Variants in SNAP47 observed in about 807,000 individuals in gnomAD.
SNAP47 encodes the protein synaptosomal-associated protein 47.
Under a neutral mutation model 31.4 loss-of-function variants are expected in SNAP47, and 20 were observed. The observed-to-expected ratio is 0.64, with a 90% CI of 0.45 to 0.93. The LOEUF is 0.93. Ranked by LOEUF, SNAP47 falls within the 40% of genes least tolerant of loss-of-function variation. SNAP47 has a pLI of 0.00. For synonymous variants in SNAP47, 194 were observed against 213.4 expected, an observed-to-expected ratio of 0.91 and a Z score of 0.79; for missense variants, 492 against 528.5, an observed-to-expected ratio of 0.93 and a Z score of 0.68.
At chr1:227,776,756 C>T (rs1247484224) in intron 4 of SNAP47, 2 of 985,338 alleles carry the variant, frequency 2.0e-6, no homozygotes, top group African/African-American at 3.5e-5. Flanking sequence ...TGTCTGCAGA[C>T]CTAGCAGCTG....
upstream of SNAP47, chr1:227,733,971 C>A: frequency 4.3e-6 from 7 of 1,613,960 alleles, no homozygotes; most frequent in Non-Finnish European, 5.1e-6. Flanking sequence ...TCCCAGAACT[C>A]ATTCAGCCAG....
chr1:227,766,918 C>T (rs779023788), intron 3 of SNAP47, 41 bp from the exon 4 acceptor site: 6 of 1,609,764 alleles, frequency 3.7e-6, no homozygotes, highest in Non-Finnish European at 4.2e-6. Flanking sequence ...GTTGTTGCAA[C>T]TCCGAGAGAT....
At chr1:227,732,225 G>A, upstream of SNAP47, 1 of 741,032 alleles carries the variant, frequency 1.3e-6, no homozygotes, top group South Asian at 1.8e-5. Flanking sequence ...GACCTCATTG[G>A]GCCTCACCTG....
chr1:227,756,967 TCA>T (rs2102946278), intron 2 of SNAP47, among the ~76,000 whole-genome samples: 1 of 152,324 alleles, frequency 6.6e-6, no homozygotes, highest in South Asian at 2.1e-4. Flanking sequence ...CACCTCGATC[TCA>T]CTTTTTCCAG....
rs138111309 is a variant in SNAP47, at chr1:227,765,142, C to G, written c.989-1817C>G. ...CAGTCCTTCAGCTCCCAACACCCAG[C>G]AAGTCAAAGGGCACCAGCACATAGC... On this transcript the variant is annotated intron_variant, in intron 3 of 4. Coordinates refer to ENST00000617596, the MANE Select transcript of SNAP47 (RefSeq NM_053052.4). Among the ~76,000 whole-genome samples the G allele has an allele frequency of 2.8e-3, 432 of 152,286 alleles. 4 individuals carry two copies. Among genetic ancestry groups the G allele is most frequent in the African/African-American group, 0.01 (420 of 41,564 alleles).
At chr1:227,777,232 CA>C (rs1664216064) in intron 4 of SNAP47, 1 of 427,144 alleles carries the variant, frequency 2.3e-6, no homozygotes, top group Admixed American at 6.4e-5. Flanking sequence ...ATACATGAAA[CA>C]TAAAGTGATC....
intron 3 of SNAP47, among the ~76,000 whole-genome samples, chr1:227,765,344 G>T (rs1025535546): frequency 6.6e-6 from 1 of 152,186 alleles, no homozygotes; most frequent in African/African-American, 2.4e-5. Flanking sequence ...CTGGTGCTGC[G>T]AGGTGGACGG....
intron 1 of SNAP47, among the ~76,000 whole-genome samples, chr1:227,736,933 G>T (rs1176595123): frequency 2.0e-5 from 3 of 152,152 alleles, no homozygotes; most frequent in Non-Finnish European, 4.4e-5. Context: ...CTTGGAAGGG[G>T]TGTGGGTTAT....
intron 2 of SNAP47, among the ~76,000 whole-genome samples, chr1:227,754,769 G>T (rs764890665): frequency 1.3e-5 from 2 of 152,124 alleles, no homozygotes; most frequent in Non-Finnish European, 2.9e-5. Flanking sequence ...GAAATGAGGG[G>T]GTCACAGGAA....
chr1:227,779,465 G>GC (rs1294578627), intron 4 of SNAP47, among the ~76,000 whole-genome samples: 2 of 152,116 alleles, frequency 1.3e-5, no homozygotes, highest in Admixed American at 6.5e-5. Flanking sequence ...AGCTGTAGGG[G>GC]CCCCCCTCAA....
intron 4 of SNAP47, among the ~76,000 whole-genome samples, chr1:227,772,330 G>A (rs1044016177): frequency 2.0e-5 from 3 of 151,852 alleles, no homozygotes; most frequent in Non-Finnish European, 2.9e-5. Flanking sequence ...ACGAACCCAC[G>A]TTTCTGCCCC....
chr1:227,737,791 A>T (rs1020979170), intron 1 of SNAP47, among the ~76,000 whole-genome samples: 1 of 151,578 alleles, frequency 6.6e-6, no homozygotes, highest in Non-Finnish European at 1.5e-5. Flanking sequence ...GAGGGCAGGG[A>T]CAGGAGGCGG....
chr1:227,733,906 C>T (rs759375690), upstream of SNAP47: 1 of 1,613,518 alleles, frequency 6.2e-7, no homozygotes, highest in Admixed American at 1.7e-5. Flanking sequence ...CGTGGCCTCA[C>T]CAGCTGCCCG....
At chr1:227,761,500 T>C (rs1219031774) in intron 3 of SNAP47, among the ~76,000 whole-genome samples, 1 of 152,184 alleles carries the variant, frequency 6.6e-6, no homozygotes, top group African/African-American at 2.4e-5. Context: ...ATGAAATCCA[T>C]TGATCAAGAT....
rs1215589866 is a variant in SNAP47, at chr1:227,771,044, C to T, written c.1113+3961C>T. 3.3e-5 allele frequency among the ~76,000 whole-genome samples: 5 copies of T among 152,298 alleles called. No individual in the cohort carries two copies. In the East Asian group the frequency reaches 5.8e-4, roughly 18 times the overall value. ...CCAAGGTGACTGGGCTCTGCGGGGG[C>T]ACTGAACGCAGCACCCACCCTCCGA... On this transcript the variant is annotated intron_variant, in intron 4 of 4. Transcript: ENST00000617596.
chr1:227,759,318 G>A lies in SNAP47; in HGVS notation c.821G>A (p.Gly274Glu). Residue 274 changes from glycine to glutamate, a missense_variant, in exon 3 of 5, where the codon GGA (glycine) becomes GAA (glutamate). Coordinates refer to ENST00000617596, the MANE Select transcript of SNAP47 (RefSeq NM_053052.4). ...YEISIRQRFI[G>E]KPDMAYRLIS... ...ATTAGCATCCGCCAGCGGTTTATTG[G>A]AAAGCCAGACATGGCCTATCGTTTG... 2 of 1,614,256 alleles carry A rather than the reference G, an allele frequency of 1.2e-6. No individual in the cohort carries two copies. Among genetic ancestry groups the A allele is most frequent in the Non-Finnish European group, 1.7e-6 (2 of 1,180,052 alleles).
At chr1:227,747,633 G>C in intron 1 of SNAP47, 59 bp from the exon 2 acceptor site, 1 of 1,514,844 alleles carries the variant, frequency 6.6e-7, no homozygotes, top group Non-Finnish European at 8.9e-7. Flanking sequence ...TCCTTGTGGG[G>C]TTGCTTGTGT....
intron 4 of SNAP47, among the ~76,000 whole-genome samples, chr1:227,767,693 G>A (rs1373397400): frequency 3.3e-5 from 5 of 152,124 alleles, no homozygotes; most frequent in African/African-American, 4.8e-5. Context: ...CATGTCTTGT[G>A]TGTGGAGCGT....
intron 4 of SNAP47, among the ~76,000 whole-genome samples, chr1:227,777,561 A>G (rs1164870736): frequency 6.6e-6 from 1 of 152,174 alleles, no homozygotes; most frequent in East Asian, 1.9e-4. Flanking sequence ...CTAGGACTGT[A>G]TATAAAAGAA....
Sources: allele counts gnomAD v4.1 joint callset (sites outside exome capture counted in the v4.1 genomes callset), GRCh38; gene constraint gnomAD v4.1.1; transcripts MANE v1.5; gene names NCBI Gene and HGNC (gene_info 2026-07-23, HGNC 2026-07-21).